The following CNTNAP2 variants were observed in gnomAD, a reference collection of about 807,000 sequenced individuals.
CNTNAP2 encodes contactin associated protein 2, also known as contactin-associated protein-like 2.
CNTNAP2 carries 98 observed loss-of-function variants against 155.2 expected under a neutral mutation model. The ratio of observed to expected loss-of-function variants is 0.63; its 90% CI spans 0.54 to 0.75. The LOEUF is 0.75. CNTNAP2 is among the 30% of genes least tolerant of loss of function. The pLI, the probability that CNTNAP2 is intolerant of heterozygous loss-of-function variation, is 0.00. For missense variants in CNTNAP2, 1,727 were observed against 1,688.1 expected (o/e 1.02, Z -0.40); for synonymous variants, 651 against 631.2 (o/e 1.03, Z -0.47).
At chr7:146,897,347 G>A (rs1030461095) in intron 3 of CNTNAP2, among the ~76,000 whole-genome samples, 18 of 152,144 alleles carry the variant, frequency 1.2e-4, no homozygotes, top group Non-Finnish European at 5.9e-5. Context: ...TTGGAGGCCA[G>A]CATATTCTGG....
chr7:146,317,545 A>G (rs1800927858), intron 1 of CNTNAP2, among the ~76,000 whole-genome samples: 1 of 152,224 alleles, frequency 6.6e-6, no homozygotes, highest in African/African-American at 2.4e-5. Context: ...ATTTCGTCTC[A>G]GTCTGCCACA....
intron 11 of CNTNAP2, among the ~76,000 whole-genome samples, chr7:147,541,571 T>C (rs747812903): frequency 5.3e-5 from 8 of 152,158 alleles, no homozygotes; most frequent in Non-Finnish European, 1.0e-4. Flanking sequence ...CCAAATGATG[T>C]CAGATAAATG....
chr7:146,487,177 A>G (rs1797070148), intron 1 of CNTNAP2, among the ~76,000 whole-genome samples: 1 of 152,206 alleles, frequency 6.6e-6, no homozygotes, highest in African/African-American at 2.4e-5. Context: ...AAAAGATAAC[A>G]AAAACGGATT....
At chr7:146,134,223 G>C (rs1274089832) in intron 1 of CNTNAP2, among the ~76,000 whole-genome samples, 2 of 151,642 alleles carry the variant, frequency 1.3e-5, no homozygotes, top group Non-Finnish European at 2.9e-5. Context: ...TCTGTTGTTG[G>C]TGTATAAGAA....
At chr7:146,922,451 T>C (rs942497148) in intron 3 of CNTNAP2, among the ~76,000 whole-genome samples, 1 of 152,146 alleles carries the variant, frequency 6.6e-6, no homozygotes, top group African/African-American at 2.4e-5. Flanking sequence ...GGCAAGTCAT[T>C]TGAGTGAACA....
chr7:146,145,863 C>T (rs986822888), intron 1 of CNTNAP2, among the ~76,000 whole-genome samples: 2 of 152,180 alleles, frequency 1.3e-5, no homozygotes, highest in African/African-American at 2.4e-5. Context: ...AGCAGACTTT[C>T]ACCTTCAGAA....
chr7:148,180,301 AC>A (rs1367280019), intron 18 of CNTNAP2, among the ~76,000 whole-genome samples: 8 of 151,946 alleles, frequency 5.3e-5, no homozygotes, highest in African/African-American at 1.5e-4. Flanking sequence ...CAAGAATAGA[AC>A]CCTTTTTTTT....
intron 12 of CNTNAP2, among the ~76,000 whole-genome samples, chr7:147,619,140 A>G (rs1801347032): frequency 6.6e-6 from 1 of 152,242 alleles, no homozygotes; most frequent in African/African-American, 2.4e-5. Context: ...CAGTAGTTCC[A>G]CAAGACATTT....
intron 13 of CNTNAP2, among the ~76,000 whole-genome samples, chr7:147,841,640 A>G (rs1405474079): frequency 2.6e-5 from 4 of 152,244 alleles, no homozygotes; most frequent in African/African-American, 9.6e-5. Flanking sequence ...GCTAAAGGAT[A>G]TGAATAGGTC....
At chr7:146,624,561 T>A (rs561040621) in intron 1 of CNTNAP2, among the ~76,000 whole-genome samples, 9 of 152,168 alleles carry the variant, frequency 5.9e-5, no homozygotes, top group African/African-American at 2.2e-4. Flanking sequence ...TTTGTGTGGG[T>A]TTATTTTACT....
At chr7:148,022,500 A>G (rs1169685187) in intron 15 of CNTNAP2, among the ~76,000 whole-genome samples, 2 of 145,056 alleles carry the variant, frequency 1.4e-5, no homozygotes, top group South Asian at 2.1e-4. Context: ...GAAAAGAAAA[A>G]GAATCTGTAA....
chr7:148,329,546 G>A (rs1797949685), intron 21 of CNTNAP2, among the ~76,000 whole-genome samples: 1 of 152,178 alleles, frequency 6.6e-6, no homozygotes, highest in Non-Finnish European at 1.5e-5. Flanking sequence ...CAGGACAGAG[G>A]CTGAAGATGG....
At chr7:146,439,725 A>T (rs1303799191) in intron 1 of CNTNAP2, among the ~76,000 whole-genome samples, 1 of 151,546 alleles carries the variant, frequency 6.6e-6, no homozygotes, top group Non-Finnish European at 1.5e-5. Flanking sequence ...CAAAGGTTCC[A>T]ACTTGATTAA....
At chr7:148,176,764 G>A (rs1309433412) in intron 18 of CNTNAP2, among the ~76,000 whole-genome samples, 1 of 152,176 alleles carries the variant, frequency 6.6e-6, no homozygotes, top group East Asian at 1.9e-4. Context: ...GTTTAACTCA[G>A]TGGAGGTAGG....
chr7:146,173,940 C>T (rs1462721919), intron 1 of CNTNAP2, among the ~76,000 whole-genome samples: 1 of 152,148 alleles, frequency 6.6e-6, no homozygotes, highest in Non-Finnish European at 1.5e-5. Context: ...GGAGCTGTGG[C>T]TCAAGCCTGA....
intron 3 of CNTNAP2, among the ~76,000 whole-genome samples, chr7:146,959,518 G>C (rs1037707140): frequency 6.6e-6 from 1 of 151,322 alleles, no homozygotes; most frequent in African/African-American, 2.4e-5. Context: ...TCAGGAGTTC[G>C]AGACCAGCCT....
chr7:147,289,878 A>G (rs1288016167), intron 8 of CNTNAP2, among the ~76,000 whole-genome samples: 3 of 152,196 alleles, frequency 2.0e-5, no homozygotes, highest in Non-Finnish European at 2.9e-5. Context: ...ATGACGTAGA[A>G]AACACAGCAT....
chr7:146,144,520 T>G (rs1042124448), intron 1 of CNTNAP2, among the ~76,000 whole-genome samples: 1 of 152,186 alleles, frequency 6.6e-6, no homozygotes, highest in Non-Finnish European at 1.5e-5. Context: ...CATTCCTTCC[T>G]GTTCCCAGGC....
intron 8 of CNTNAP2, among the ~76,000 whole-genome samples, chr7:147,266,618 TA>T (rs1378587576): frequency 6.6e-6 from 1 of 152,202 alleles, no homozygotes; most frequent in East Asian, 1.9e-4. Flanking sequence ...TGTGCTTCCA[TA>T]AAAAATGATT....
Sources: gnomAD v4.1 joint callset for allele counts (sites outside exome capture counted in the v4.1 genomes callset) on GRCh38, gnomAD v4.1.1 for gene constraint, MANE v1.5 for transcripts, NCBI Gene and HGNC (gene_info 2026-07-23, HGNC 2026-07-21) for gene names.